Variants in CEP68 observed in about 807,000 individuals in gnomAD.
CEP68 encodes centrosomal protein 68, also known as centrosomal protein of 68 kDa.
A neutral mutation model predicts 55.3 loss-of-function variants in CEP68; 26 were observed. The ratio of observed to expected loss-of-function variants is 0.47; its 90% CI spans 0.34 to 0.65. The LOEUF is 0.65. Among genes scored for constraint, CEP68 ranks in the 30% least tolerant of loss-of-function variants. The pLI is 0.01. For synonymous variants in CEP68, 402 were observed against 383.2 expected, an observed-to-expected ratio of 1.05 and a Z score of -0.57; for missense variants, 957 against 946.7, an observed-to-expected ratio of 1.01 and a Z score of -0.14.
At chr2:65,078,694 A>T (rs1165825999) in intron 5 of CEP68, among the ~76,000 whole-genome samples, 1 of 151,974 alleles carries the variant, frequency 6.6e-6, no homozygotes, top group African/African-American at 2.4e-5. Context: ...GGCATGCGCC[A>T]CCATGCCCGG....
In CEP68 at chr2:65,069,297, T is replaced by C. The variant is rs1573028954; in HGVS notation, c.-46-102T>C. 1.5e-5 allele frequency: 10 copies of C among 672,774 alleles called. No individual in the cohort carries two copies. The East Asian group carries it at 1.6e-4, about 11-fold the overall frequency. The allele number at this position is 672,774 out of a possible 1,614,324, so 41.7% of individuals were successfully genotyped here. A position where few individuals can be genotyped will look rare whatever the true frequency, so the allele number is the denominator to read the frequency against. On this transcript the variant is annotated intron_variant, in intron 1 of 6. Coordinates refer to ENST00000377990, the MANE Select transcript of CEP68 (RefSeq NM_015147.3). ...AGTAGTCACCATTTGTTTCCTTTTTTCTTTGACCAAAAATATGTTTGCCTT... is the reference window on the plus strand; with the variant it reads ...AGTAGTCACCATTTGTTTCCTTTTTCCTTTGACCAAAAATATGTTTGCCTT...
chr2:65,056,720 G>A (rs1573008814), intron 1 of CEP68, among the ~76,000 whole-genome samples, 192 bp downstream of exon 1: 1 of 152,090 alleles, frequency 6.6e-6, no homozygotes, highest in South Asian at 2.1e-4. Context: ...CTGGGGGGCG[G>A]GGGCGCCTCG....
Position 65,072,554 on chromosome 2 carries a change from C to A in CEP68, c.1458C>A (p.Pro486=), listed in dbSNP as rs572350656. 6.2e-7 allele frequency: 1 copy of A among 1,614,080 alleles called. No individual in the cohort carries two copies. Among genetic ancestry groups the A allele is most frequent in the Non-Finnish European group, 8.5e-7 (1 of 1,179,996 alleles). ...VESDDEYLAL[P]ARLTQVSSLV... is the part of the protein sequence containing the mutation. ...GTGATGACGAGTATCTTGCCCTCCC[C>A]GCTCGGCTGACACAGGTTTCTAGCC... The change falls in exon 3 of 7, where the codon CCC becomes CCA. Residue 486 remains proline (P), a synonymous_variant. Coordinates refer to ENST00000377990, the MANE Select transcript of CEP68 (RefSeq NM_015147.3).
At chr2:65,073,073 C>G in intron 3 of CEP68, 93 bp downstream of exon 3, 1 of 1,407,722 alleles carries the variant, frequency 7.1e-7, no homozygotes, top group Non-Finnish European at 1.0e-6. Flanking sequence ...TTCATGTTGA[C>G]CAGGCACTTT....
chr2:65,065,252 C>G (rs1041484520), intron 1 of CEP68, among the ~76,000 whole-genome samples: 5 of 152,226 alleles, frequency 3.3e-5, no homozygotes, highest in Non-Finnish European at 5.9e-5. Context: ...GCAATTCATG[C>G]TGAGGATGTG....
chr2:65,086,124 T>G lies in CEP68; in HGVS notation c.*2490T>G, dbSNP rs919239461. 1.3e-5 allele frequency: 2 copies of G among 152,086 alleles called. No individual in the cohort carries two copies. Among genetic ancestry groups the G allele is most frequent in the Admixed American group, 6.5e-5 (1 of 15,272 alleles). 9.4% of individuals were successfully genotyped at this position (152,086 alleles called of 1,614,324 possible). ...GGTGGGAATGGAACACAAAGAAGGT[T>G]TGAGGTAAGATATGCTGGAAAGGCA... On this transcript the variant is annotated 3_prime_UTR_variant, in exon 7 of 7. Transcript: ENST00000377990.
chr2:65,063,978 T>C (rs1316391784), intron 1 of CEP68, among the ~76,000 whole-genome samples: 2 of 152,322 alleles, frequency 1.3e-5, no homozygotes, highest in South Asian at 2.1e-4. Flanking sequence ...TAAACTTGTA[T>C]AATAGGGGGG....
At position 65,073,000 on chromosome 2, in the gene CEP68, G is replaced by A; in HGVS notation, c.1884+20G>A. 4 of 1,613,668 alleles carry A rather than the reference G, an allele frequency of 2.5e-6. No homozygotes were observed. The South Asian group carries it at 3.3e-5, about 13-fold the overall frequency. ...GTGAAGGTAATGACACTCAACGTTA[G>A]GAAGCTTTGTGTACAGGTGTCTTGT... On this transcript the variant is annotated intron_variant, in intron 3 of 6. Transcript: ENST00000377990.
At chr2:65,079,165 G>C (rs561095891) in intron 5 of CEP68, among the ~76,000 whole-genome samples, 3 of 152,236 alleles carry the variant, frequency 2.0e-5, no homozygotes, top group Non-Finnish European at 2.9e-5. Context: ...AGCTGGGCAG[G>C]TCCCACGGGC....
intron 3 of CEP68, 99 bp from the exon 4 acceptor site, chr2:65,074,181 GCA>G: frequency 7.1e-7 from 1 of 1,405,788 alleles, no homozygotes; most frequent in Middle Eastern, 2.3e-4. Context: ...AACTGAAGGT[GCA>G]CAGTCTGTCT....
intron 5 of CEP68, chr2:65,080,389 G>C (rs1442703487): frequency 1.0e-6 from 1 of 985,154 alleles, no homozygotes; most frequent in African/African-American, 1.7e-5. Flanking sequence ...TCTCCAGCGG[G>C]TGCAAAACTT....
intron 1 of CEP68, among the ~76,000 whole-genome samples, chr2:65,059,376 A>G (rs1481545936): frequency 6.6e-6 from 1 of 152,150 alleles, no homozygotes; most frequent in East Asian, 1.9e-4. Context: ...AATTATTTCC[A>G]GTTTCCAAAA....
chr2:65,074,357 G>C lies in CEP68; in HGVS notation c.1960G>C (p.Ala654Pro). The change falls in exon 4 of 7, where the codon GCC becomes CCC. Residue 654 changes from alanine to proline, a missense_variant. Coordinates refer to ENST00000377990, the MANE Select transcript of CEP68 (RefSeq NM_015147.3). ...AGATGTTACTGACCACGGGACTGCA[G>C]CCAGGTCCAATCTTACAAGTCTCAA... The part of the protein sequence containing the change: ...VADVTDHGTA[A>P]RSNLTSLKSS... 6.2e-7 allele frequency: 1 copy of C among 1,614,200 alleles called. No individual in the cohort carries two copies. Among genetic ancestry groups the C allele is most frequent in the African/African-American group, 1.3e-5 (1 of 75,068 alleles).
chr2:65,081,960 GTGT>G (rs1312149879), intron 5 of CEP68, among the ~76,000 whole-genome samples: 3 of 152,226 alleles, frequency 2.0e-5, no homozygotes, highest in East Asian at 3.8e-4. Context: ...GCCTCCCAAA[GTGT>G]TGTTGGGATT....
At chr2:65,064,128 TTGC>T (rs1403673175) in intron 1 of CEP68, among the ~76,000 whole-genome samples, 2 of 152,226 alleles carry the variant, frequency 1.3e-5, no homozygotes, top group Admixed American at 6.5e-5. Flanking sequence ...TCTTACCTGG[TTGC>T]TGAAGGGACT....
chr2:65,060,524 G>A (rs1312900649), intron 1 of CEP68, among the ~76,000 whole-genome samples: 2 of 151,954 alleles, frequency 1.3e-5, no homozygotes, highest in Admixed American at 6.6e-5. Context: ...GAGTTCAGGA[G>A]TTTGAGACCA....
Position 65,077,962 on chromosome 2 carries a change from C to T in CEP68, c.2102C>T (p.Pro701Leu), listed in dbSNP as rs757450495. The change falls in exon 5 of 7, where the codon CCA becomes CTA. Residue 701 changes from proline (P) to leucine (L), a missense_variant and splice_region_variant. Pro to Leu is a moderately conservative substitution (Grantham distance 98). Coordinates refer to ENST00000377990, the MANE Select transcript of CEP68 (RefSeq NM_015147.3). ...CTTCAGTGCCTGTTGGAGAACACCC[C>T]AGGTGAGATGCTTAAGGTTTTGGAT... ...ILLQCLLENT[P>L]VLEDVLGRIA... 10 of 1,611,724 alleles carry T rather than the reference C, an allele frequency of 6.2e-6. No individual in the cohort carries two copies. In the Admixed American group the frequency reaches 8.3e-5, roughly 13 times the overall value.
intron 3 of CEP68, chr2:65,073,207 T>C: frequency 1.7e-6 from 1 of 596,542 alleles, no homozygotes; most frequent in Admixed American, 2.4e-5. Context: ...ACGTGCCCAC[T>C]TATAATTAGC....
rs774822169 is a variant in CEP68 at position 65,069,496 on chromosome 2, G to T, written c.52G>T (p.Ala18Ser). ...AEAEASEDTKAQSYGRGSCRE... is the reference protein window; with the variant it reads ...AEAEASEDTKSQSYGRGSCRE... Reference sequence around the variant, plus strand: ...AGCGGAAGCATCTGAAGACACAAAGGCCCAGTCCTATGGGAGAGGGAGCTG... The same window carrying T: ...AGCGGAAGCATCTGAAGACACAAAGTCCCAGTCCTATGGGAGAGGGAGCTG... Residue 18 changes from alanine to serine, a missense_variant, in exon 2 of 7, where the codon GCC (alanine) becomes TCC (serine). Ala to Ser is a moderately conservative substitution (Grantham distance 99, BLOSUM62 1). Transcript: ENST00000377990. The T allele has an allele frequency of 5.2e-6, 8 of 1,553,028 alleles. No individual in the cohort carries two copies. The highest frequency in any genetic ancestry group is 4.5e-5 in the East Asian group (2 of 44,376).
Sources: allele counts gnomAD v4.1 joint callset (sites outside exome capture counted in the v4.1 genomes callset), GRCh38; gene constraint gnomAD v4.1.1; transcripts MANE v1.5; gene names NCBI Gene and HGNC (gene_info 2026-07-23, HGNC 2026-07-21).